The following MACF1 variants were observed in gnomAD, a reference collection of about 807,000 sequenced individuals.
MACF1 encodes the protein microtubule actin crosslinking factor 1, also known as microtubule-actin cross-linking factor 1.
A neutral mutation model predicts 854.8 loss-of-function variants in MACF1; 193 were observed. The observed-to-expected ratio is 0.23, with a 90% CI of 0.20 to 0.25. The LOEUF (loss-of-function observed/expected upper bound fraction) is 0.25. MACF1 is among the 10% of genes least tolerant of loss of function. The pLI is 1.00. For synonymous variants in MACF1, 3,185 were observed against 3,226.7 expected, an observed-to-expected ratio of 0.99 and a Z score of 0.44; for missense variants, 7,722 against 8,929.1, an observed-to-expected ratio of 0.86 and a Z score of 5.45.
At chr1:39,391,122 A>AC (rs1298884066) in intron 58 of MACF1, among the ~76,000 whole-genome samples, 56 of 152,048 alleles carry the variant, frequency 3.7e-4, no homozygotes, top group Non-Finnish European at 6.5e-4. Flanking sequence ...AAAAAAAAAA[A>AC]ACACACAAAA....
intron 2 of MACF1, among the ~76,000 whole-genome samples, chr1:39,171,814 G>A (rs1257319889): frequency 1.3e-5 from 2 of 151,870 alleles, no homozygotes; most frequent in South Asian, 2.1e-4. Context: ...TTTTAGTAGA[G>A]ACGGGGTTTC....
intron 2 of MACF1, among the ~76,000 whole-genome samples, chr1:39,088,923 G>A (rs903384816): frequency 7.9e-5 from 12 of 152,176 alleles, no homozygotes; most frequent in Non-Finnish European, 1.5e-4. Context: ...GCTAGGGCAC[G>A]GTAGGGTGCA....
At chr1:39,202,028 G>A (rs1373564156), upstream of MACF1, among the ~76,000 whole-genome samples, 2 of 115,036 alleles carry the variant, frequency 1.7e-5, no homozygotes, top group African/African-American at 3.3e-5. Context: ...GTGCAGTGGC[G>A]CAATCTCGGC....
intron 58 of MACF1, among the ~76,000 whole-genome samples, chr1:39,402,509 T>C (rs756522342): frequency 1.2e-4 from 18 of 152,068 alleles, no homozygotes; most frequent in Admixed American, 5.2e-4. Flanking sequence ...CGATATAACC[T>C]TGTGAAATTA....
At chr1:39,228,301 ACT>A (rs1026984756) in intron 1 of MACF1, among the ~76,000 whole-genome samples, 15 of 152,192 alleles carry the variant, frequency 9.9e-5, no homozygotes, top group African/African-American at 3.6e-4. Flanking sequence ...CAAAAGCGAA[ACT>A]CTGTCTCAAA....
chr1:39,235,330 C>G (rs540154434), intron 2 of MACF1, among the ~76,000 whole-genome samples: 1 of 152,352 alleles, frequency 6.6e-6, no homozygotes, highest in South Asian at 2.1e-4. Flanking sequence ...AGAGCGAAAC[C>G]CCGTCTCCAC....
At chr1:39,089,395 C>G (rs1285140039) in intron 2 of MACF1, among the ~76,000 whole-genome samples, 1 of 152,196 alleles carries the variant, frequency 6.6e-6, no homozygotes, top group African/African-American at 2.4e-5. Flanking sequence ...GGAGTATCAG[C>G]AAATGCTGCT....
At chr1:39,411,609 T>C in intron 58 of MACF1, 1 of 1,613,972 alleles carries the variant, frequency 6.2e-7, no homozygotes, top group Non-Finnish European at 8.5e-7. Context: ...ATTCAGCATG[T>C]ACTGTGGGTA....
upstream of MACF1, among the ~76,000 whole-genome samples, chr1:39,203,983 C>G (rs372563716): frequency 1.3e-5 from 2 of 152,102 alleles, no homozygotes; most frequent in African/African-American, 4.8e-5. Flanking sequence ...GCTGGGTCCT[C>G]TGGTCTAAGG....
upstream of MACF1, among the ~76,000 whole-genome samples, chr1:39,201,800 T>G (rs1384986456): frequency 6.6e-6 from 1 of 152,080 alleles, no homozygotes; most frequent in Non-Finnish European, 1.5e-5. Context: ...TGGCCTCCTC[T>G]TCTGATACTC....
chr1:39,177,158 C>G (rs1047893303), intron 2 of MACF1, among the ~76,000 whole-genome samples: 2 of 152,048 alleles, frequency 1.3e-5, no homozygotes, highest in Admixed American at 6.6e-5. Context: ...TTTTTGAGAC[C>G]TAGTTTCGCT....
At chr1:39,186,026 T>C (rs544743242) in intron 2 of MACF1, among the ~76,000 whole-genome samples, 20 of 152,210 alleles carry the variant, frequency 1.3e-4, no homozygotes, top group Non-Finnish European at 2.8e-4. Flanking sequence ...CCACATAATA[T>C]ATACAGGTCC....
intron 2 of MACF1, among the ~76,000 whole-genome samples, chr1:39,169,623 A>G (rs1290608522): frequency 6.7e-6 from 1 of 150,066 alleles, no homozygotes; most frequent in Admixed American, 6.7e-5. Flanking sequence ...AAAAAAAAAG[A>G]CATTTTATGC....
At chr1:39,417,539 C>CA (rs1036180087) in intron 58 of MACF1, among the ~76,000 whole-genome samples, 11 of 148,984 alleles carry the variant, frequency 7.4e-5, no homozygotes, top group African/African-American at 2.5e-4. Context: ...ATTCATGGAA[C>CA]AAAAAAAAGT....
chr1:39,383,136 T>G (rs1471137390), intron 56 of MACF1, among the ~76,000 whole-genome samples: 1 of 152,072 alleles, frequency 6.6e-6, no homozygotes, highest in African/African-American at 2.4e-5. Flanking sequence ...GAAAGAAATT[T>G]AGGTTGGTCA....
rs765516713 is a variant in MACF1 at position 39,442,782 on chromosome 1, T to G, written c.19173T>G (p.Leu6391=). The G allele has an allele frequency of 6.8e-6, 11 of 1,614,044 alleles. No individual in the cohort carries two copies. Among genetic ancestry groups the G allele is most frequent in the Non-Finnish European group, 8.5e-6 (10 of 1,180,032 alleles). The change falls in exon 78 of 101, where the codon CTT becomes CTG. Residue 6391 remains leucine, a synonymous_variant. Transcript: ENST00000564288. ...CAGTCAACAAAGCTGGCAATGAGCT[T>G]CTTGAATCCAGTGCTGGAGATGATG... ...VETVNKAGNE[L]LESSAGDDAS...
At chr1:39,119,344 A>G (rs1642634735) in intron 2 of MACF1, among the ~76,000 whole-genome samples, 1 of 150,272 alleles carries the variant, frequency 6.7e-6, no homozygotes, top group Non-Finnish European at 1.5e-5. Flanking sequence ...AAAAACAACC[A>G]GAAAAACAAA....
At chr1:39,485,071 G>A (rs989085408) in intron 100 of MACF1, 11 of 373,172 alleles carry the variant, frequency 2.9e-5, no homozygotes, top group Non-Finnish European at 4.4e-5. Flanking sequence ...TTTCCAACAC[G>A]TCATACTTAC....
intron 50 of MACF1, among the ~76,000 whole-genome samples, chr1:39,369,030 G>C (rs1648993856): frequency 6.7e-6 from 1 of 148,158 alleles, no homozygotes; most frequent in Non-Finnish European, 1.5e-5. Flanking sequence ...AAAGATATGG[G>C]GTCTTGCTAT....
Sources: allele counts gnomAD v4.1 joint callset (sites outside exome capture counted in the v4.1 genomes callset), GRCh38; gene constraint gnomAD v4.1.1; transcripts MANE v1.5; gene names NCBI Gene and HGNC (gene_info 2026-07-23, HGNC 2026-07-21).